SLC2A14: variants seen among roughly 807,000 people sequenced by gnomAD.
SLC2A14 encodes solute carrier family 2 member 14.
Under a neutral mutation model 43.0 loss-of-function variants are expected in SLC2A14, and 13 were observed. The observed-to-expected ratio is 0.30, with a 90% confidence interval of 0.20 to 0.48. SLC2A14 has a LOEUF of 0.48. SLC2A14 is among the 20% of genes least tolerant of loss of function. The pLI is 0.99. For missense variants in SLC2A14, 428 were observed against 620.4 expected (o/e 0.69, Z 3.29); for synonymous variants, 190 against 233.8 (o/e 0.81, Z 1.71).
At chr12:7,852,273 A>T (rs1015629727) in intron 2 of SLC2A14, among the ~76,000 whole-genome samples, 1 of 152,152 alleles carries the variant, frequency 6.6e-6, no homozygotes, top group Non-Finnish European at 1.5e-5. Flanking sequence ...ATATGAACAT[A>T]GTGTCCAAAT....
At chr12:7,853,822 C>T (rs186457660) in intron 2 of SLC2A14, among the ~76,000 whole-genome samples, 38 of 152,136 alleles carry the variant, frequency 2.5e-4, no homozygotes, top group African/African-American at 8.9e-4. Flanking sequence ...GATTGTTTAG[C>T]TCAGAAAATA....
chr12:7,881,947 T>A (rs1945582806), intron 1 of SLC2A14, among the ~76,000 whole-genome samples: 1 of 152,042 alleles, frequency 6.6e-6, no homozygotes, highest in South Asian at 2.1e-4. Context: ...TCAGGGATTG[T>A]AAACGCACCA....
chr12:7,852,261 G>A (rs1004744535), intron 2 of SLC2A14, among the ~76,000 whole-genome samples: 1 of 152,058 alleles, frequency 6.6e-6, no homozygotes, highest in Admixed American at 6.6e-5. Flanking sequence ...TTAAATAACA[G>A]TATATGAACA....
intron 8 of SLC2A14, among the ~76,000 whole-genome samples, chr12:7,820,640 T>C (rs1408095422): frequency 6.6e-6 from 1 of 152,126 alleles, no homozygotes; most frequent in Non-Finnish European, 1.5e-5. Context: ...GGAATAACAG[T>C]TTGAAAGTTT....
At chr12:7,832,576 A>G (rs1865127163) in intron 3 of SLC2A14, 146 bp downstream of exon 3, 8 of 796,548 alleles carry the variant, frequency 1.0e-5, no homozygotes, top group Non-Finnish European at 1.6e-5. Flanking sequence ...CCTGGGCTCA[A>G]GTGATCTTTA....
rs1053350913 is a variant in SLC2A14, at chr12:7,872,717, CCCACCTCTACTCTAGCTCGG to C, written c.-58+70_-58+89del. ...AGCCCGGCCCACCTCCGAGTAGCCG[CCCACCTCTACTCTAGCTCGG>C]CCACCTCTACCCCAGCTCAGGTCCT... On this transcript the variant is annotated intron_variant, in intron 1 of 10. Transcript: ENST00000431042. 19 of 943,434 alleles carry C rather than the reference CCCACCTCTACTCTAGCTCGG, an allele frequency of 2.0e-5. No individual in the cohort carries two copies. In the Admixed American group the frequency reaches 6.2e-4, roughly 31 times the overall value. The allele number at this position is 943,434 out of a possible 1,614,324, so 58.4% of individuals were successfully genotyped here.
intron 2 of SLC2A14, among the ~76,000 whole-genome samples, chr12:7,840,435 A>G (rs992512303): frequency 1.3e-5 from 2 of 151,888 alleles, no homozygotes; most frequent in African/African-American, 4.8e-5. Context: ...TCTGGAGTGC[A>G]ATGGCGTGAT....
At chr12:7,858,135 A>G (rs1023552115) in intron 2 of SLC2A14, among the ~76,000 whole-genome samples, 1 of 152,142 alleles carries the variant, frequency 6.6e-6, no homozygotes, top group Non-Finnish European at 1.5e-5. Flanking sequence ...TCTTATCTGA[A>G]AAAAAACAAA....
At chr12:7,866,590 T>A (rs1944926946) in intron 2 of SLC2A14, among the ~76,000 whole-genome samples, 1 of 152,126 alleles carries the variant, frequency 6.6e-6, no homozygotes, top group Non-Finnish European at 1.5e-5. Flanking sequence ...GATCTAGAAA[T>A]CCTGGCCTCA....
At chr12:7,817,151 T>C (rs1467318894) in intron 10 of SLC2A14, among the ~76,000 whole-genome samples, 1 of 151,962 alleles carries the variant, frequency 6.6e-6, no homozygotes, top group East Asian at 2.0e-4. Flanking sequence ...GTTTCTGTCT[T>C]GTTGCCCAGG....
chr12:7,830,084 C>A, intron 4 of SLC2A14, 78 bp from the exon 5 acceptor site: 1 of 1,568,370 alleles, frequency 6.4e-7, no homozygotes, highest in South Asian at 1.2e-5. Flanking sequence ...ACTCATTATT[C>A]TGCTCTTCTC....
At chr12:7,880,465 A>G (rs1945547265) in intron 1 of SLC2A14, among the ~76,000 whole-genome samples, 1 of 107,904 alleles carries the variant, frequency 9.3e-6, no homozygotes, top group Admixed American at 1.1e-4. Flanking sequence ...ACAAAGCAAG[A>G]CTCTTGTCTC....
At chr12:7,870,882 ACC>A (rs200810471) in intron 1 of SLC2A14, 2 of 1,214,594 alleles carry the variant, frequency 1.6e-6, no homozygotes, top group Non-Finnish European at 2.1e-6. Flanking sequence ...AGCCAAGACC[ACC>A]AAGAAGCGAC....
chr12:7,843,199 T>G (rs1276046114), intron 2 of SLC2A14, among the ~76,000 whole-genome samples: 2 of 79,570 alleles, frequency 2.5e-5, no homozygotes, highest in African/African-American at 3.7e-5. Context: ...TTTTTCACCC[T>G]TTTTTATGTC....
chr12:7,839,417 G>T (rs775384648), intron 2 of SLC2A14, among the ~76,000 whole-genome samples: 1 of 152,092 alleles, frequency 6.6e-6, no homozygotes, highest in Non-Finnish European at 1.5e-5. Context: ...GGAGTGAAGC[G>T]GGGGCAGAGT....
At chr12:7,840,221 C>T (rs1305501430) in intron 2 of SLC2A14, among the ~76,000 whole-genome samples, 1 of 133,072 alleles carries the variant, frequency 7.5e-6, no homozygotes, top group Admixed American at 8.3e-5. Context: ...GGACACATCA[C>T]TCGTCCCCCT....
upstream of SLC2A14, among the ~76,000 whole-genome samples, chr12:7,877,427 T>C (rs1223646274): frequency 6.6e-6 from 1 of 151,856 alleles, no homozygotes; most frequent in Non-Finnish European, 1.5e-5. Context: ...AGTACAAAAT[T>C]TTTTCTTTTT....
intron 1 of SLC2A14, among the ~76,000 whole-genome samples, chr12:7,880,068 C>A (rs557047541): frequency 6.7e-6 from 1 of 150,306 alleles, no homozygotes; most frequent in East Asian, 2.0e-4. Context: ...TTTGGGAGGC[C>A]GAGGCGGGTG....
At chr12:7,857,514 G>A (rs1459233189) in intron 2 of SLC2A14, among the ~76,000 whole-genome samples, 3 of 152,008 alleles carry the variant, frequency 2.0e-5, no homozygotes, top group African/African-American at 7.2e-5. Flanking sequence ...CTTGAAGCTG[G>A]GAGGTAAAGG....
Sources: allele counts gnomAD v4.1 joint callset (sites outside exome capture counted in the v4.1 genomes callset), GRCh38; gene constraint gnomAD v4.1.1; transcripts MANE v1.5; gene names NCBI Gene and HGNC (gene_info 2026-07-23, HGNC 2026-07-21).